The following LRRC52 variants were observed in gnomAD, a reference collection of about 807,000 sequenced individuals.
LRRC52 encodes the protein leucine rich repeat containing 52.
A neutral mutation model predicts 14.7 loss-of-function variants in LRRC52; 15 were observed. The observed-to-expected ratio is 1.02, with a 90% CI of 0.68 to 1.58. The LOEUF (loss-of-function observed/expected upper bound fraction) is 1.58, where lower values mean the gene tolerates loss of function less well. LRRC52 is among the 40% of genes most tolerant of loss of function. The pLI is 0.00. For missense variants in LRRC52, 400 were observed against 387.7 expected (o/e 1.03, Z -0.27); for synonymous variants, 180 against 163.9 (o/e 1.10, Z -0.75).
In LRRC52 at chr1:165,544,036, T is replaced by C. The variant is rs77806608; in HGVS notation, c.-261T>C. On this transcript the variant is annotated 5_prime_UTR_variant, in exon 1 of 2. Coordinates refer to ENST00000294818, the MANE Select transcript of LRRC52 (RefSeq NM_001005214.4). ...GCAAACGCAGGGAAAGGGTGAGACC[T>C]TTCAAAGCTGCCAAGTGGGCAAGCT... The C allele has an allele frequency of 0.012, 6,642 of 533,878 alleles. 355 individuals are homozygous for C. The highest frequency in any genetic ancestry group is 0.11 in the African/African-American group (5,922 of 52,948). 33.1% of individuals were successfully genotyped at this position (533,878 alleles called of 1,614,324 possible).
rs991324441 is a variant in LRRC52 at position 165,563,867 on chromosome 1, G to A, written c.*43G>A. On this transcript the variant is annotated 3_prime_UTR_variant, in exon 2 of 2. Coordinates refer to ENST00000294818, the MANE Select transcript of LRRC52 (RefSeq NM_001005214.4). ...CTTATGTGCCTCCCCCAGGCTCCCT[G>A]CTTTCTCTCTTGCCCTCCCCATCCC... is the stretch of plus-strand genomic sequence containing the variant. 3 of 1,578,546 alleles carry A rather than the reference G, an allele frequency of 1.9e-6. No individual in the cohort carries two copies. The highest frequency in any genetic ancestry group is 2.6e-6 in the Non-Finnish European group (3 of 1,157,138).
intron 1 of LRRC52, among the ~76,000 whole-genome samples, chr1:165,550,161 GTGGTC>G (rs2101825901): frequency 6.6e-6 from 1 of 152,234 alleles, no homozygotes; most frequent in East Asian, 1.9e-4. Context: ...GAAGGTGAGA[GTGGTC>G]ATTGAGTTCT....
rs201636701 is a variant in LRRC52, at chr1:165,544,255, G to C, written c.-42G>C. 1.3e-6 allele frequency: 2 copies of C among 1,553,054 alleles called. No individual in the cohort carries two copies. The highest frequency in any genetic ancestry group is 1.2e-5 in the South Asian group (1 of 84,430). On this transcript the variant is annotated 5_prime_UTR_variant, in exon 1 of 2. Coordinates refer to ENST00000294818, the MANE Select transcript of LRRC52 (RefSeq NM_001005214.4). ...GGCAGCCTTCGGATCAGAGGACAGA[G>C]CCCGCAGGAAGGTGAAAGGAGGGTG...
Position 165,544,558 on chromosome 1 carries a change from C to G in LRRC52, c.262C>G (p.Arg88Gly). 2 of 1,614,006 alleles carry G rather than the reference C, an allele frequency of 1.2e-6. No homozygotes were observed. Among genetic ancestry groups the G allele is most frequent in the Non-Finnish European group, 1.7e-6 (2 of 1,180,010 alleles). Residue 88 changes from arginine to glycine, a missense_variant, in exon 1 of 2, where the codon CGG becomes GGG. Transcript: ENST00000294818. ...TGTTTATTTGGACTGTCAGAACAAC[C>G]GGATTCGAGAGGTGATGGATTATAC... The part of the protein sequence containing the change: ...DLVYLDCQNN[R>G]IREVMDYTFI...
At chr1:165,553,071 A>G (rs1445848865) in intron 1 of LRRC52, among the ~76,000 whole-genome samples, 1 of 152,214 alleles carries the variant, frequency 6.6e-6, no homozygotes, top group Non-Finnish European at 1.5e-5. Context: ...TAAAATATAC[A>G]TATATTTGGG....
rs139452874 is a variant in LRRC52, at chr1:165,544,440, C to A, written c.144C>A (p.Pro48=). The A allele has an allele frequency of 2.5e-6, 4 of 1,614,044 alleles. No individual in the cohort carries two copies. The East Asian group carries it at 6.7e-5, about 27-fold the overall frequency. ...ICTGKQLTEY[P]LDIPLNTRRL... Reference sequence around the variant, plus strand: ...CAGGGAAGCAGTTAACCGAATACCCCCTTGACATACCCCTGAACACCCGGA... The same window carrying A: ...CAGGGAAGCAGTTAACCGAATACCCACTTGACATACCCCTGAACACCCGGA... Residue 48 remains proline, a synonymous_variant, in exon 1 of 2, where the codon CCC becomes CCA. Transcript: ENST00000294818.
At chr1:165,563,425 T>A in intron 1 of LRRC52, 80 bp from the exon 2 acceptor site, 1 of 1,262,574 alleles carries the variant, frequency 7.9e-7, no homozygotes, top group African/African-American at 1.5e-5. Flanking sequence ...GTGCAGATGG[T>A]CCCTCCTGAT....
chr1:165,547,382 G>A (rs190486727), intron 1 of LRRC52, among the ~76,000 whole-genome samples: 4 of 152,172 alleles, frequency 2.6e-5, no homozygotes, highest in Admixed American at 6.5e-5. Flanking sequence ...CTTGGAACTG[G>A]GAAATGATCT....
At chr1:165,560,152 TCATTAA>T (rs1007082289) in intron 1 of LRRC52, among the ~76,000 whole-genome samples, 3 of 152,216 alleles carry the variant, frequency 2.0e-5, no homozygotes, top group African/African-American at 7.2e-5. Context: ...ACTTTTTTTC[TCATTAA>T]CATTGTAACA....
At chr1:165,558,735 G>T (rs1661287219) in intron 1 of LRRC52, among the ~76,000 whole-genome samples, 2 of 152,226 alleles carry the variant, frequency 1.3e-5, no homozygotes, top group South Asian at 2.1e-4. Flanking sequence ...TAAAAAAATA[G>T]ATACTAGGTA....
At position 165,551,070 on chromosome 1, in the gene LRRC52, G is replaced by A. The variant is rs140273790; in HGVS notation, c.622+6152G>A. On this transcript the variant is annotated intron_variant, in intron 1 of 1. Coordinates refer to ENST00000294818, the MANE Select transcript of LRRC52 (RefSeq NM_001005214.4). Reference sequence around the variant, plus strand: ...AGTGCAGAGTGGCAAGTGCTGAGGCGAAGGTGTTCCCAGTGATGAGGGCTA... The same window carrying A: ...AGTGCAGAGTGGCAAGTGCTGAGGCAAAGGTGTTCCCAGTGATGAGGGCTA... Among the ~76,000 whole-genome samples, 446 of 152,278 alleles carry A rather than the reference G, an allele frequency of 2.9e-3. 2 individuals are homozygous for A. Among genetic ancestry groups the A allele is most frequent in the African/African-American group, 0.01 (430 of 41,554 alleles).
chr1:165,559,666 G>A (rs1023293148), intron 1 of LRRC52, among the ~76,000 whole-genome samples: 2 of 152,094 alleles, frequency 1.3e-5, no homozygotes, highest in Non-Finnish European at 2.9e-5. Context: ...GCCACTTTAA[G>A]CAAAATGACA....
intron 1 of LRRC52, among the ~76,000 whole-genome samples, chr1:165,554,403 A>T (rs1661191904): frequency 1.3e-5 from 2 of 150,144 alleles, no homozygotes. Context: ...AATCTGCTGC[A>T]TGACCCATAT....
In LRRC52 at chr1:165,544,203, G is replaced by GCCCCCCCCCCCCCCCCC; in HGVS notation, c.-90_-89insCCCCCCCCCCCCCCCCC. 5 of 1,001,748 alleles carry GCCCCCCCCCCCCCCCCC rather than the reference G, an allele frequency of 5.0e-6. No homozygotes were observed. The highest frequency in any genetic ancestry group is 2.5e-5 in the Admixed American group (1 of 40,780). The allele number at this position is 1,001,748 out of a possible 1,614,324, so 62.1% of individuals were successfully genotyped here. ...CTAAAGTGTTACAGTTCTTTCCAGAGCCCCTCCCCCGCCCCACCCCCCCAC... is the reference window on the plus strand; with the variant it reads ...CTAAAGTGTTACAGTTCTTTCCAGAGCCCCCCCCCCCCCCCCCCCCCTCCCCCGCCCCACCCCCCCAC... On this transcript the variant is annotated 5_prime_UTR_variant, in exon 1 of 2. Coordinates refer to ENST00000294818, the MANE Select transcript of LRRC52 (RefSeq NM_001005214.4).
intron 1 of LRRC52, among the ~76,000 whole-genome samples, chr1:165,563,271 T>C (rs954988612): frequency 6.6e-6 from 1 of 152,140 alleles, no homozygotes; most frequent in Non-Finnish European, 1.5e-5. Context: ...CAAACTCCAA[T>C]GTGCAACAGA....
In LRRC52 at chr1:165,563,061, A is replaced by T. The variant is rs546865140; in HGVS notation, c.623-444A>T. On this transcript the variant is annotated intron_variant, in intron 1 of 1. Coordinates refer to ENST00000294818, the MANE Select transcript of LRRC52 (RefSeq NM_001005214.4). ...GGGACAAGGTGAAGGGAAAGTCGGG[A>T]TGGAGGCAAGGGAGGGGCAAGAGGG... is the stretch of plus-strand genomic sequence containing the variant. Among the ~76,000 whole-genome samples, 5 of 152,260 alleles carry T rather than the reference A, an allele frequency of 3.3e-5. No individual in the cohort carries two copies. In the South Asian group the frequency reaches 1.0e-3, roughly 32 times the overall value.
intron 1 of LRRC52, among the ~76,000 whole-genome samples, chr1:165,548,931 C>T (rs369400723): frequency 1.4e-3 from 213 of 152,212 alleles, no homozygotes; most frequent in African/African-American, 4.2e-3. Context: ...GCTCAGCATA[C>T]GTGGTGTTAG....
intron 1 of LRRC52, among the ~76,000 whole-genome samples, chr1:165,555,701 C>T (rs1234599463): frequency 6.6e-6 from 1 of 152,214 alleles, no homozygotes; most frequent in South Asian, 2.1e-4. Context: ...AATCAGGATA[C>T]ATTTTGAAGG....
At position 165,544,453 on chromosome 1, in the gene LRRC52, C is replaced by T; in HGVS notation, c.157C>T (p.Leu53=). ...QLTEYPLDIP[L]NTRRLFLNEN... ...AACCGAATACCCCCTTGACATACCC[C>T]TGAACACCCGGAGGCTGTTCCTGAA... is the stretch of plus-strand genomic sequence containing the variant. The change falls in exon 1 of 2, where the codon CTG becomes TTG. Residue 53 remains leucine (L), a synonymous_variant. Transcript: ENST00000294818. The T allele has an allele frequency of 6.2e-7, 1 of 1,614,178 alleles. No individual in the cohort carries two copies. Among genetic ancestry groups the T allele is most frequent in the Non-Finnish European group, 8.5e-7 (1 of 1,180,032 alleles).
Sources: gnomAD v4.1 joint callset for allele counts (sites outside exome capture counted in the v4.1 genomes callset) on GRCh38, gnomAD v4.1.1 for gene constraint, MANE v1.5 for transcripts, NCBI Gene and HGNC (gene_info 2026-07-23, HGNC 2026-07-21) for gene names.